The following TCF12 variants were observed in gnomAD, a reference collection of about 807,000 sequenced individuals.
TCF12 encodes DNA-binding protein HTF4.
TCF12 carries 45 observed loss-of-function variants against 86.0 expected under a neutral mutation model. The observed-to-expected ratio is 0.52, with a 90% confidence interval of 0.41 to 0.67. TCF12 has a LOEUF of 0.67. Ranked by LOEUF, TCF12 falls within the 30% of genes least tolerant of loss-of-function variation. The pLI, the probability that TCF12 is intolerant of heterozygous loss-of-function variation, is 0.00. For synonymous variants in TCF12, 330 were observed against 299.6 expected (o/e 1.10, Z -1.05); for missense variants, 881 against 859.9 (o/e 1.02, Z -0.31).
chr15:57,173,939 C>G (rs1199418715), intron 6 of TCF12, among the ~76,000 whole-genome samples: 1 of 152,060 alleles, frequency 6.6e-6, no homozygotes, highest in Non-Finnish European at 1.5e-5. Context: ...AACCCCTGAC[C>G]TTGTGATCCC....
intron 4 of TCF12, among the ~76,000 whole-genome samples, chr15:57,064,657 G>A (rs988513327): frequency 4.6e-5 from 7 of 151,852 alleles, no homozygotes; most frequent in South Asian, 2.1e-4. Context: ...TAGCCAAGGC[G>A]TGGGGGTGGG....
At chr15:57,000,203 C>G (rs1260212223) in intron 3 of TCF12, among the ~76,000 whole-genome samples, 2 of 152,104 alleles carry the variant, frequency 1.3e-5, no homozygotes, top group Admixed American at 1.3e-4. Flanking sequence ...AAGACAGGAT[C>G]TCTCTCTATC....
intron 12 of TCF12, among the ~76,000 whole-genome samples, chr15:57,240,798 T>G (rs2151959187): frequency 7.1e-6 from 1 of 141,326 alleles, no homozygotes; most frequent in South Asian, 2.3e-4. Context: ...AAGGATTGCT[T>G]GAGCCCAGGA....
At chr15:56,924,788 G>A (rs213163) in intron 3 of TCF12, among the ~76,000 whole-genome samples, 27,737 of 152,122 alleles carry the variant, frequency 0.18, 3,010 homozygotes, top group Non-Finnish European at 0.24. Flanking sequence ...GTAAAAGGTA[G>A]CAAGGGAGTC....
At chr15:57,155,771 C>A (rs766553915) in intron 5 of TCF12, among the ~76,000 whole-genome samples, 2 of 152,122 alleles carry the variant, frequency 1.3e-5, no homozygotes, top group Non-Finnish European at 2.9e-5. Context: ...CAGATCAAGA[C>A]CCTGTCATTC....
At chr15:57,119,042 A>C (rs78394707) in intron 5 of TCF12, among the ~76,000 whole-genome samples, 340 of 152,164 alleles carry the variant, frequency 2.2e-3, no homozygotes, top group Middle Eastern at 6.8e-3. Context: ...GTTAGTCATG[A>C]ATTTGCAGTT....
intron 3 of TCF12, among the ~76,000 whole-genome samples, chr15:56,957,529 A>G (rs895196312): frequency 1.3e-5 from 2 of 152,126 alleles, no homozygotes; most frequent in Admixed American, 1.3e-4. Context: ...TTCATCTCAT[A>G]CATTATGGTT....
chr15:57,188,629 G>T (rs191739044), intron 6 of TCF12, among the ~76,000 whole-genome samples: 9 of 152,220 alleles, frequency 5.9e-5, no homozygotes, highest in African/African-American at 2.2e-4. Context: ...GAGTCCAGAA[G>T]TAAACCTAAA....
chr15:57,252,345 A>G (rs1228223708), intron 14 of TCF12, 76 bp from the exon 15 acceptor site: 3 of 1,057,834 alleles, frequency 2.8e-6, no homozygotes, highest in Non-Finnish European at 4.4e-6. Context: ...TGACATGCAT[A>G]TCAGCTATTT....
At chr15:56,936,406 A>G (rs1362710890) in intron 3 of TCF12, among the ~76,000 whole-genome samples, 1 of 152,118 alleles carries the variant, frequency 6.6e-6, no homozygotes, top group African/African-American at 2.4e-5. Flanking sequence ...ATAGATTGAG[A>G]TGATTTTCTT....
chr15:57,010,873 G>A (rs2064788993), intron 3 of TCF12, among the ~76,000 whole-genome samples: 1 of 152,114 alleles, frequency 6.6e-6, no homozygotes. Context: ...ATAATTTCTG[G>A]TAGTTCATGT....
At position 57,273,208 on chromosome 15, in the gene TCF12, C is replaced by T; in HGVS notation, c.1924C>T (p.Leu642Phe). ...LKSEKPQTKL[L>F]ILHQAVAVIL... ...GAGTGAAAAACCCCAAACAAAACTC[C>T]TTATTCTTCATCAAGCCGTGGCAGT... The change falls in exon 19 of 21, where the codon CTT (leucine) becomes TTT (phenylalanine). Residue 642 changes from leucine (L) to phenylalanine (F), a missense_variant. Around this residue, in one of 3 missense-constraint regions of TCF12, gnomAD observed 46 missense variants for 76.7 expected, o/e 0.60. Transcript: ENST00000333725. The T allele has an allele frequency of 6.2e-7, 1 of 1,614,170 alleles. No individual in the cohort carries two copies. The highest frequency in any genetic ancestry group is 1.3e-5 in the African/African-American group (1 of 75,052).
At chr15:56,924,458 A>C (rs2059918728) in intron 3 of TCF12, among the ~76,000 whole-genome samples, 3 of 152,238 alleles carry the variant, frequency 2.0e-5, no homozygotes, top group African/African-American at 7.2e-5. Flanking sequence ...GAGAAAACCA[A>C]AATTGTACCA....
At chr15:57,088,335 C>T (rs1431668735) in intron 4 of TCF12, among the ~76,000 whole-genome samples, 1 of 152,132 alleles carries the variant, frequency 6.6e-6, no homozygotes, top group African/African-American at 2.4e-5. Flanking sequence ...ATGCTTGTTG[C>T]CTAACTCTAT....
chr15:57,177,844 G>T (rs1045593877), intron 6 of TCF12, among the ~76,000 whole-genome samples: 1 of 151,970 alleles, frequency 6.6e-6, no homozygotes, highest in East Asian at 1.9e-4. Context: ...AGCCTCCTGG[G>T]ACTACAGGCA....
intron 5 of TCF12, among the ~76,000 whole-genome samples, chr15:57,102,049 C>T (rs1243934080): frequency 5.4e-5 from 8 of 149,404 alleles, no homozygotes; most frequent in Non-Finnish European, 1.0e-4. Context: ...GCTACTTAAA[C>T]ATGTAGGTAG....
chr15:57,013,927 T>A (rs2064991244), intron 3 of TCF12, among the ~76,000 whole-genome samples: 1 of 152,212 alleles, frequency 6.6e-6, no homozygotes, highest in Admixed American at 6.5e-5. Context: ...GATACTTGCT[T>A]TCATCTCTTT....
chr15:56,992,308 T>C (rs2063497865), intron 3 of TCF12, among the ~76,000 whole-genome samples: 1 of 152,158 alleles, frequency 6.6e-6, no homozygotes, highest in African/African-American at 2.4e-5. Flanking sequence ...GCCTTGCTTC[T>C]AAATCCAGTC....
chr15:57,107,420 A>G (rs2050206074), intron 5 of TCF12, among the ~76,000 whole-genome samples: 1 of 152,222 alleles, frequency 6.6e-6, no homozygotes, highest in Non-Finnish European at 1.5e-5. Flanking sequence ...GGTTGCTAGG[A>G]CTTAAGGGAG....
Sources: gnomAD v4.1 joint callset for allele counts (sites outside exome capture counted in the v4.1 genomes callset) on GRCh38, gnomAD v4.1.1 for gene constraint, gnomAD v4.1.1 regional missense constraint, MANE v1.5 for transcripts, NCBI Gene and HGNC (gene_info 2026-07-23, HGNC 2026-07-21) for gene names.